NFYC: variants seen among roughly 807,000 people sequenced by gnomAD.
NFYC encodes nuclear transcription factor Y subunit gamma, also known as CAAT box DNA-binding protein subunit C.
In NFYC, 25 loss-of-function variants were observed where a neutral mutation model predicts 53.1. That is an observed-to-expected ratio of 0.47 (90% confidence interval 0.34 to 0.66). NFYC has a LOEUF of 0.66. Ranked by LOEUF, NFYC falls within the 30% of genes least tolerant of loss-of-function variation. NFYC has a pLI of 0.01. For missense variants in NFYC, 260 were observed against 422.7 expected (o/e 0.62, Z 3.38); for synonymous variants, 145 against 152.6 (o/e 0.95, Z 0.37).
At chr1:40,738,693 C>G (rs1645182075) in intron 1 of NFYC, 143 bp from the exon 2 acceptor site, 3 of 600,068 alleles carry the variant, frequency 5.0e-6, no homozygotes, top group Non-Finnish European at 2.9e-6. Context: ...GTGTTAAAAT[C>G]TTTTTAGCGT....
chr1:40,694,851 G>A (rs1643038327), intron 1 of NFYC, among the ~76,000 whole-genome samples: 1 of 152,176 alleles, frequency 6.6e-6, no homozygotes, highest in South Asian at 2.1e-4. Context: ...TCTTCAGGCA[G>A]AAATCATACT....
chr1:40,744,353 G>GT (rs1489463806), intron 2 of NFYC, among the ~76,000 whole-genome samples: 1 of 152,188 alleles, frequency 6.6e-6, no homozygotes, highest in African/African-American at 2.4e-5. Context: ...CAGGCATCTT[G>GT]TTTTTCAAAA....
At chr1:40,740,967 C>T (rs776636448) in intron 2 of NFYC, among the ~76,000 whole-genome samples, 11 of 149,760 alleles carry the variant, frequency 7.3e-5, no homozygotes, top group Non-Finnish European at 1.6e-4. Flanking sequence ...CATAAAATTT[C>T]GCCCCTTATC....
chr1:40,738,602 T>C (rs1296941181), intron 1 of NFYC, among the ~76,000 whole-genome samples: 1 of 152,230 alleles, frequency 6.6e-6, no homozygotes, highest in African/African-American at 2.4e-5. Flanking sequence ...GATATTCTAG[T>C]TGGAGGTCTT....
chr1:40,696,412 A>G (rs1056439957), intron 1 of NFYC, among the ~76,000 whole-genome samples: 3 of 152,198 alleles, frequency 2.0e-5, no homozygotes, highest in African/African-American at 7.2e-5. Flanking sequence ...GAAAAGAAAA[A>G]AAGTCCTGGC....
In NFYC at chr1:40,735,512, C is replaced by T. The variant is rs147416855; in HGVS notation, c.-8-3324C>T. ...AGCAGACTGCACAGATGGTTCTAGA[C>T]GTGCTTTTTGAATTGTGTACCTTTG... On this transcript the variant is annotated intron_variant, in intron 1 of 9. Transcript: ENST00000447388. 50 of 834,160 alleles carry T rather than the reference C, an allele frequency of 6.0e-5. 1 individual carries two copies. The South Asian group carries it at 1.3e-3, about 22-fold the overall frequency. The allele number at this position is 834,160 out of a possible 1,614,324, so 51.7% of individuals were successfully genotyped here. A position where few individuals can be genotyped will look rare whatever the true frequency, so the allele number is the denominator to read the frequency against.
At chr1:40,765,720 A>AC (rs1646778722) in intron 7 of NFYC, among the ~76,000 whole-genome samples, 1 of 152,112 alleles carries the variant, frequency 6.6e-6, no homozygotes, top group African/African-American at 2.4e-5. Flanking sequence ...TCCTCTGCTG[A>AC]CCATCATCTT....
intron 2 of NFYC, among the ~76,000 whole-genome samples, chr1:40,746,120 G>A (rs1260744154): frequency 2.0e-5 from 3 of 152,146 alleles, no homozygotes; most frequent in Admixed American, 1.3e-4. Context: ...ATGAACCTGC[G>A]CTACTGTTTC....
intron 1 of NFYC, among the ~76,000 whole-genome samples, chr1:40,697,260 C>T (rs151155615): frequency 1.3e-5 from 2 of 152,294 alleles, no homozygotes; most frequent in Non-Finnish European, 2.9e-5. Context: ...GTCCTTTCAG[C>T]CCGTTACAGC....
At chr1:40,717,350 T>G (rs757910557) in intron 1 of NFYC, among the ~76,000 whole-genome samples, 37 of 152,182 alleles carry the variant, frequency 2.4e-4, no homozygotes, top group Non-Finnish European at 4.4e-4. Context: ...TTAATATTCT[T>G]TATTCCAAAA....
At chr1:40,738,991 T>A in intron 2 of NFYC, 43 bp downstream of exon 2, 1 of 1,382,546 alleles carries the variant, frequency 7.2e-7, no homozygotes, top group Non-Finnish European at 1.0e-6. Flanking sequence ...TTTTAAAGAG[T>A]ATAAAGAGCT....
intron 4 of NFYC, among the ~76,000 whole-genome samples, chr1:40,751,796 CAATA>C (rs1645928160): frequency 6.6e-6 from 1 of 152,108 alleles, no homozygotes; most frequent in Admixed American, 6.5e-5. Flanking sequence ...TTTATTCCAT[CAATA>C]AATGAGCCAT....
At chr1:40,707,059 A>T (rs982120269) in intron 1 of NFYC, among the ~76,000 whole-genome samples, 10 of 151,534 alleles carry the variant, frequency 6.6e-5, no homozygotes, top group Non-Finnish European at 1.3e-4. Flanking sequence ...AATCCTAGCT[A>T]CTCGGGAGGC....
intron 5 of NFYC, chr1:40,754,314 T>C (rs1202820579): frequency 3.7e-6 from 2 of 534,244 alleles, no homozygotes; most frequent in East Asian, 5.5e-5. Flanking sequence ...GTCACCTCCT[T>C]ACTAGAGTAG....
intron 1 of NFYC, among the ~76,000 whole-genome samples, chr1:40,729,653 G>A (rs1304897185): frequency 1.3e-5 from 2 of 151,936 alleles, no homozygotes; most frequent in African/African-American, 4.8e-5. Context: ...TGGTGCAAGA[G>A]GCCTAGCTCT....
chr1:40,758,288 G>A lies in NFYC; in HGVS notation c.555G>A (p.Gln185=). 3.1e-6 allele frequency: 5 copies of A among 1,608,624 alleles called. No individual in the cohort carries two copies. Among genetic ancestry groups the A allele is most frequent in the African/African-American group, 1.3e-5 (1 of 74,970 alleles). Residue 185 remains glutamine, a synonymous_variant, in exon 6 of 10, where the codon CAG becomes CAA. Coordinates refer to ENST00000447388, the MANE Select transcript of NFYC (RefSeq NM_014223.5). ...AGATCATCATCGCACAGCCTCAGCA[G>A]GGCCAGGTCTGTGAGCTGCTGAGGA... ...PGQIIIAQPQ[Q]GQTTPVTMQV...
At chr1:40,716,961 T>G (rs1457455730) in intron 1 of NFYC, among the ~76,000 whole-genome samples, 1 of 151,914 alleles carries the variant, frequency 6.6e-6, no homozygotes, top group Non-Finnish European at 1.5e-5. Flanking sequence ...GAAGAGCAAG[T>G]TTGGGGGGAA....
intron 1 of NFYC, among the ~76,000 whole-genome samples, chr1:40,727,532 CTTTTTTT>C (rs372284521): frequency 1.5e-5 from 2 of 130,148 alleles, no homozygotes; most frequent in Non-Finnish European, 3.3e-5. Flanking sequence ...CATGAATATT[CTTTTTTT>C]TTTTTTTTTG....
At chr1:40,732,498 T>G (rs567884773) in intron 1 of NFYC, among the ~76,000 whole-genome samples, 17 of 152,314 alleles carry the variant, frequency 1.1e-4, no homozygotes, top group Middle Eastern at 3.4e-3. Context: ...GAAGTTTCAT[T>G]TTTTTCTTTA....
Sources: allele counts gnomAD v4.1 joint callset (sites outside exome capture counted in the v4.1 genomes callset), GRCh38; gene constraint gnomAD v4.1.1; transcripts MANE v1.5; gene names NCBI Gene and HGNC (gene_info 2026-07-23, HGNC 2026-07-21).